TMEM230: variants seen among roughly 807,000 people sequenced by gnomAD.
TMEM230 encodes transmembrane protein 230, also known as UPF0414 transmembrane protein C20orf30.
Under a neutral mutation model 15.8 loss-of-function variants are expected in TMEM230, and 10 were observed. That is an observed-to-expected ratio of 0.63 (90% CI 0.39 to 1.07). The LOEUF (loss-of-function observed/expected upper bound fraction) is 1.07. TMEM230 is among the 50% of genes least tolerant of loss of function. TMEM230 has a pLI of 0.01. For synonymous variants in TMEM230, 67 were observed against 76.9 expected (o/e 0.87, Z 0.68); for missense variants, 165 against 193.3 (o/e 0.85, Z 0.87).
At chr20:5,062,821 A>G in the TMEM230 span, among the ~76,000 whole-genome samples, 7,294 of 152,176 alleles carry the variant, frequency 0.048, 579 homozygotes, top group African/African-American at 0.16. Flanking sequence ...TATATTACCT[A>G]TTGATATCTA....
downstream of TMEM230, chr20:5,099,781 C>G (rs1041012729): frequency 2.2e-6 from 2 of 905,790 alleles, no homozygotes; most frequent in African/African-American, 1.8e-5. Context: ...TGCCAGCTAC[C>G]TAGAAACTAA....
intron 4 of TMEM230, among the ~76,000 whole-genome samples, chr20:5,105,969 G>A (rs2090061158): frequency 6.6e-6 from 1 of 152,078 alleles, no homozygotes; most frequent in Non-Finnish European, 1.5e-5. Flanking sequence ...GGGAGGCTGA[G>A]GTGAGAGGAT....
rs117523941 is a variant in TMEM230 at position 5,079,634 on chromosome 20, C to A, written c.223-10285G>T. ...GGGACTACAGGTGCATGCCACTGCA[C>A]CCAGCTTTTACTAGTGTAATGAAAT... On this transcript the variant is annotated intron_variant, in intron 3 of 3. Transcript: ENST00000612323. 1.9e-3 allele frequency among the ~76,000 whole-genome samples: 291 copies of A among 152,290 alleles called. 6 individuals are homozygous for A. In the East Asian group the frequency reaches 0.044, roughly 23 times the overall value.
chr20:5,092,736 A>G (rs2122666195), intron 3 of TMEM230, among the ~76,000 whole-genome samples: 1 of 151,724 alleles, frequency 6.6e-6, no homozygotes, highest in South Asian at 2.1e-4. Flanking sequence ...AAAAAAAGAG[A>G]GAGAGAGAGA....
At chr20:5,067,236 T>C (rs985403928), downstream of TMEM230, 5 of 150,908 alleles carry the variant, frequency 3.3e-5, no homozygotes, top group African/African-American at 1.2e-4. Context: ...TGGTTGAGGG[T>C]TGTCCTCAGG....
chr20:5,112,783 G>A (rs2090379082), intron 1 of TMEM230, 178 bp downstream of exon 1: 2 of 1,484,642 alleles, frequency 1.3e-6, no homozygotes, highest in African/African-American at 1.4e-5. Context: ...AAGAACCGAC[G>A]CGAATTTAGA....
intron 4 of TMEM230, among the ~76,000 whole-genome samples, chr20:5,105,059 C>T (rs1157761071): frequency 6.6e-6 from 1 of 152,220 alleles, no homozygotes; most frequent in Non-Finnish European, 1.5e-5. Context: ...CCCACGCGGG[C>T]AGGCCGCTTG....
At chr20:5,085,711 G>T (rs1164122130) in intron 3 of TMEM230, among the ~76,000 whole-genome samples, 1 of 152,114 alleles carries the variant, frequency 6.6e-6, no homozygotes, top group African/African-American at 2.4e-5. Context: ...ACAAAAAAAA[G>T]CCATACTTTA....
chr20:5,103,370 G>A (rs987582028), intron 4 of TMEM230, among the ~76,000 whole-genome samples: 1 of 152,066 alleles, frequency 6.6e-6, no homozygotes, highest in African/African-American at 2.4e-5. Context: ...AAGCTGAGGT[G>A]GGAGGATCGA....
chr20:5,059,763 ATTTTTTTTTTTTTTTT>A, the TMEM230 span, among the ~76,000 whole-genome samples: 6 of 61,266 alleles, frequency 9.8e-5, no homozygotes, highest in South Asian at 7.4e-4. Context: ...CTTCCAGCTA[ATTTTTTTTTTTTTTTT>A]TTTTTTTTTT....
intron 3 of TMEM230, among the ~76,000 whole-genome samples, chr20:5,079,050 CTGA>C (rs2089097194): frequency 6.6e-6 from 1 of 152,240 alleles, no homozygotes; most frequent in Non-Finnish European, 1.5e-5. Flanking sequence ...CAAAATTTTG[CTGA>C]TATTTGTGAC....
At chr20:5,059,169 T>A in the TMEM230 span, among the ~76,000 whole-genome samples, 1 of 152,092 alleles carries the variant, frequency 6.6e-6, no homozygotes, top group East Asian at 1.9e-4. Context: ...TTATTTTCTA[T>A]TTATTTTTTT....
chr20:5,092,615 T>C (rs527857858), intron 3 of TMEM230, among the ~76,000 whole-genome samples: 5 of 146,866 alleles, frequency 3.4e-5, no homozygotes, highest in East Asian at 4.0e-4. Flanking sequence ...ACTTGGGAGG[T>C]TGAGGCAGGA....
At chr20:5,079,209 GA>G (rs2089102456) in intron 3 of TMEM230, among the ~76,000 whole-genome samples, 1 of 151,856 alleles carries the variant, frequency 6.6e-6, no homozygotes, top group South Asian at 2.1e-4. Flanking sequence ...GGCTGGCCTT[GA>G]TCTCCTGGGT....
intron 3 of TMEM230, among the ~76,000 whole-genome samples, chr20:5,092,715 CAAAAAAA>C (rs749828640): frequency 1.9e-5 from 1 of 53,040 alleles, no homozygotes; most frequent in Non-Finnish European, 3.9e-5. Flanking sequence ...AACTCCGTCT[CAAAAAAA>C]AAAAAAAAAA....
chr20:5,102,410 G>C (rs1462578669), intron 4 of TMEM230, among the ~76,000 whole-genome samples: 1 of 152,172 alleles, frequency 6.6e-6, no homozygotes, highest in Non-Finnish European at 1.5e-5. Context: ...TTAATACTTG[G>C]CTGGGCATGG....
At chr20:5,087,606 TCCTGTCCCCTA>T (rs1568488391) in intron 3 of TMEM230, among the ~76,000 whole-genome samples, 1 of 148,834 alleles carries the variant, frequency 6.7e-6, no homozygotes, top group Non-Finnish European at 1.5e-5. Flanking sequence ...GAGCCTGGCT[TCCTGTCCCCTA>T]CCCTAGCTGG....
chr20:5,108,183 G>C (rs1568507574), intron 3 of TMEM230, among the ~76,000 whole-genome samples: 1 of 152,152 alleles, frequency 6.6e-6, no homozygotes, highest in Admixed American at 6.6e-5. Context: ...ACTTTGCGAG[G>C]CCGAGGCAGG....
At chr20:5,104,529 C>G (rs1438727004) in intron 4 of TMEM230, among the ~76,000 whole-genome samples, 4 of 152,160 alleles carry the variant, frequency 2.6e-5, no homozygotes, top group African/African-American at 7.2e-5. Context: ...GGTATATACC[C>G]AAAAGAAAGG....
Sources: allele counts gnomAD v4.1 joint callset (sites outside exome capture counted in the v4.1 genomes callset), GRCh38; gene constraint gnomAD v4.1.1; transcripts MANE v1.5; gene names NCBI Gene and HGNC (gene_info 2026-07-23, HGNC 2026-07-21).